The following CDC123 variants were observed in gnomAD, a reference collection of about 807,000 sequenced individuals.
The protein encoded by CDC123 is translation initiation factor eIF2 assembly protein.
In CDC123, 37 loss-of-function variants were observed where a neutral mutation model predicts 54.4. That is an observed-to-expected ratio of 0.68 (90% confidence interval 0.52 to 0.89). CDC123 has a LOEUF of 0.89. Among genes scored for constraint, CDC123 ranks in the 40% least tolerant of loss-of-function variants. CDC123 has a pLI of 0.00. For synonymous variants in CDC123, 144 were observed against 136.8 expected (o/e 1.05, Z -0.37); for missense variants, 361 against 412.1 (o/e 0.88, Z 1.07).
chr10:12,240,136 T>G (rs1836037816), intron 10 of CDC123, among the ~76,000 whole-genome samples: 1 of 152,162 alleles, frequency 6.6e-6, no homozygotes, highest in African/African-American at 2.4e-5. Flanking sequence ...TGATGAAAAC[T>G]TCTGTAAGGA....
rs183760240 is a variant in CDC123, at chr10:12,248,019, G to A, written c.847-1562G>A. Among the ~76,000 whole-genome samples the A allele has an allele frequency of 4.4e-4, 67 of 151,756 alleles. 1 individual carries two copies. Among genetic ancestry groups the A allele is most frequent in the African/African-American group, 1.3e-3 (55 of 41,370 alleles). Reference sequence around the variant, plus strand: ...ACTGTCTCAAAAAAAAAAAAGTAACGTGCTCATTCTTAAAGAAAATTATAA... The same window carrying A: ...ACTGTCTCAAAAAAAAAAAAGTAACATGCTCATTCTTAAAGAAAATTATAA... On this transcript the variant is annotated intron_variant, in intron 11 of 12. Transcript: ENST00000281141.
At chr10:12,221,338 G>A (rs975756916) in intron 6 of CDC123, among the ~76,000 whole-genome samples, 5 of 152,082 alleles carry the variant, frequency 3.3e-5, no homozygotes, top group Admixed American at 3.3e-4. Flanking sequence ...TCGGTCTTTG[G>A]GTTTCTCACC....
rs555307906 is a variant in CDC123, at chr10:12,206,711, T to C, written c.147-3256T>C. Among the ~76,000 whole-genome samples the C allele has an allele frequency of 3.3e-3, 502 of 152,124 alleles. 1 individual carries two copies. Among genetic ancestry groups the C allele is most frequent in the Non-Finnish European group, 5.6e-3 (380 of 67,994 alleles). On this transcript the variant is annotated intron_variant, in intron 2 of 12. Transcript: ENST00000281141. ...CGGTGGCTTATGCCTGTAATCCCAG[T>C]GCTTTAGGAGGCCAAGGAGGGCGGA...
chr10:12,231,349 G>A (rs547556327), intron 7 of CDC123, among the ~76,000 whole-genome samples: 52 of 152,244 alleles, frequency 3.4e-4, no homozygotes, highest in African/African-American at 1.1e-3. Flanking sequence ...TAGGCCGGGC[G>A]TGGTGGCTCA....
intron 10 of CDC123, among the ~76,000 whole-genome samples, chr10:12,240,158 T>C (rs184085223): frequency 5.5e-4 from 83 of 152,288 alleles, no homozygotes; most frequent in Non-Finnish European, 8.1e-4. Flanking sequence ...AAAGTTAAAG[T>C]GACTTACTAG....
intron 6 of CDC123, among the ~76,000 whole-genome samples, chr10:12,220,894 G>A (rs1371379491): frequency 4.0e-5 from 6 of 151,794 alleles, no homozygotes; most frequent in Admixed American, 6.6e-5. Flanking sequence ...GGAGAATGGC[G>A]TGAACCCGGG....
chr10:12,202,675 C>T (rs998606333), intron 2 of CDC123, among the ~76,000 whole-genome samples: 28 of 152,308 alleles, frequency 1.8e-4, no homozygotes, highest in African/African-American at 6.0e-4. Flanking sequence ...TAGAGCAGCT[C>T]GCAGAACTGA....
intron 10 of CDC123, among the ~76,000 whole-genome samples, chr10:12,244,064 T>G (rs1379421224): frequency 6.6e-6 from 1 of 152,206 alleles, no homozygotes; most frequent in Non-Finnish European, 1.5e-5. Flanking sequence ...TGGGTTGTGC[T>G]GAAAACATCC....
chr10:12,247,846 A>G (rs1170738361), intron 11 of CDC123: 2 of 151,024 alleles, frequency 1.3e-5, no homozygotes, highest in Non-Finnish European at 3.0e-5. Flanking sequence ...TAAAAATACA[A>G]AAAAAAAATT....
chr10:12,197,748 G>T (rs1251591587), intron 1 of CDC123, among the ~76,000 whole-genome samples: 1 of 151,646 alleles, frequency 6.6e-6, no homozygotes, highest in Non-Finnish European at 1.5e-5. Context: ...CGAAGTTTTT[G>T]CTCTGTCGCC....
chr10:12,213,052 G>A (rs1207292131), intron 4 of CDC123, among the ~76,000 whole-genome samples: 1 of 152,194 alleles, frequency 6.6e-6, no homozygotes, highest in East Asian at 1.9e-4. Flanking sequence ...ACTAATACAT[G>A]TAGTAGGAAT....
At chr10:12,218,212 T>A (rs1442221231) in intron 6 of CDC123, among the ~76,000 whole-genome samples, 2 of 151,904 alleles carry the variant, frequency 1.3e-5, no homozygotes, top group African/African-American at 2.4e-5. Context: ...CAGATTTTTT[T>A]AATGGGATCC....
At chr10:12,199,528 G>A (rs1335550360) in intron 2 of CDC123, among the ~76,000 whole-genome samples, 1 of 152,026 alleles carries the variant, frequency 6.6e-6, no homozygotes, top group Non-Finnish European at 1.5e-5. Flanking sequence ...CCAGCTCATG[G>A]AACAGTGCCT....
intron 6 of CDC123, among the ~76,000 whole-genome samples, chr10:12,225,201 C>T (rs1226878200): frequency 6.6e-6 from 1 of 152,080 alleles, no homozygotes; most frequent in African/African-American, 2.4e-5. Context: ...TTGAGACCAG[C>T]CTGACCAACT....
At chr10:12,230,448 C>G (rs922296884) in intron 6 of CDC123, among the ~76,000 whole-genome samples, 4 of 152,198 alleles carry the variant, frequency 2.6e-5, no homozygotes, top group African/African-American at 9.6e-5. Flanking sequence ...CTGCCTTGGC[C>G]TCCCAAAGTG....
At chr10:12,210,626 A>G (rs964037947) in intron 4 of CDC123, among the ~76,000 whole-genome samples, 6 of 152,184 alleles carry the variant, frequency 3.9e-5, no homozygotes, top group African/African-American at 1.4e-4. Context: ...AAACTCTGAG[A>G]TTCCTAAATC....
chr10:12,243,736 A>T (rs2001546), intron 10 of CDC123, among the ~76,000 whole-genome samples: 65,064 of 150,976 alleles, frequency 0.43, 15,447 homozygotes, highest in Middle Eastern at 0.56. Context: ...GTGAGCAGAG[A>T]TCGCACCACT....
At chr10:12,218,393 C>G (rs1210932755) in intron 6 of CDC123, among the ~76,000 whole-genome samples, 7 of 151,942 alleles carry the variant, frequency 4.6e-5, no homozygotes, top group African/African-American at 1.7e-4. Context: ...GCATGCACCA[C>G]CACACCCGGC....
chr10:12,199,873 A>G lies in CDC123; in HGVS notation c.146+1097A>G, dbSNP rs375367100. 7.2e-5 allele frequency among the ~76,000 whole-genome samples: 11 copies of G among 152,092 alleles called. 1 individual carries two copies. In the East Asian group the frequency reaches 2.1e-3, roughly 29 times the overall value. The stretch of plus-strand genomic sequence containing the variant: ...AGTCTCGCTCTGTCACCCAGGCTGG[A>G]GTGCAGTGGCGTGATCTCAGCTCAC... On this transcript the variant is annotated intron_variant, in intron 2 of 12. Transcript: ENST00000281141.
Sources: gnomAD v4.1 joint callset for allele counts (sites outside exome capture counted in the v4.1 genomes callset) on GRCh38, gnomAD v4.1.1 for gene constraint, MANE v1.5 for transcripts, NCBI Gene and HGNC (gene_info 2026-07-23, HGNC 2026-07-21) for gene names.